The following LMLN variants were observed in gnomAD, a reference collection of about 807,000 sequenced individuals.
LMLN encodes the protein leishmanolysin-like peptidase.
In LMLN, 70 loss-of-function variants were observed where a neutral mutation model predicts 92.3. The observed-to-expected ratio is 0.76, with a 90% confidence interval of 0.63 to 0.92. LMLN has a LOEUF of 0.92. LMLN is among the 40% of genes least tolerant of loss of function. The probability of loss-of-function intolerance (pLI) is 0.00; values close to 1 mark genes in which losing one functional copy is unlikely to be tolerated. For synonymous variants in LMLN, 308 were observed against 296.2 expected, an observed-to-expected ratio of 1.04 and a Z score of -0.41; for missense variants, 691 against 814.6, an observed-to-expected ratio of 0.85 and a Z score of 1.85.
chr3:198,028,070 C>G (rs1394508901), intron 14 of LMLN, among the ~76,000 whole-genome samples: 1 of 152,042 alleles, frequency 6.6e-6, no homozygotes, highest in Non-Finnish European at 1.5e-5. Flanking sequence ...TCCCATATAC[C>G]CCTGCTCCAC....
At chr3:198,013,852 C>T (rs1310588039) in intron 11 of LMLN, among the ~76,000 whole-genome samples, 1 of 143,436 alleles carries the variant, frequency 7.0e-6, no homozygotes, top group Admixed American at 6.8e-5. Context: ...AGCCCCTTAA[C>T]TAGTCTGACT....
rs947988932 is a variant in LMLN, at chr3:198,031,782, G to A, written c.1657-4051G>A. Among the ~76,000 whole-genome samples, 7 of 151,948 alleles carry A rather than the reference G, an allele frequency of 4.6e-5. No homozygotes were observed. Among genetic ancestry groups the A allele is most frequent in the African/African-American group, 1.7e-4 (7 of 41,338 alleles). On this transcript the variant is annotated intron_variant, in intron 14 of 15. Coordinates refer to ENST00000330198, the Ensembl canonical transcript of LMLN. The surrounding 1 kb of genome is among the most constrained non-coding windows in gnomAD (Gnocchi z 4.8). ...TTAATGGGTTGATTCTATTTTTGGTGATCATTAACAGCCTGTTCATATTCA... is the reference window on the plus strand; with the variant it reads ...TTAATGGGTTGATTCTATTTTTGGTAATCATTAACAGCCTGTTCATATTCA...
At chr3:198,028,465 A>G (rs1436916549) in intron 14 of LMLN, among the ~76,000 whole-genome samples, 2 of 152,248 alleles carry the variant, frequency 1.3e-5, no homozygotes, top group Non-Finnish European at 2.9e-5. Context: ...AATGAAATAA[A>G]AAGTGGGATG....
intron 11 of LMLN, among the ~76,000 whole-genome samples, chr3:198,011,358 G>C (rs1457687474): frequency 6.6e-6 from 1 of 152,052 alleles, no homozygotes; most frequent in African/African-American, 2.4e-5. Context: ...CCACCTATGA[G>C]TGAGAACATG....
chr3:198,015,973 A>T (rs933925754), intron 11 of LMLN, among the ~76,000 whole-genome samples: 1 of 151,976 alleles, frequency 6.6e-6, no homozygotes, highest in Non-Finnish European at 1.5e-5. Flanking sequence ...GGGAAGAGGG[A>T]AGATGGCTTG....
intron 11 of LMLN, among the ~76,000 whole-genome samples, chr3:198,010,061 C>A (rs559921170): frequency 3.3e-5 from 5 of 151,990 alleles, no homozygotes; most frequent in Non-Finnish European, 5.9e-5. Context: ...TTGTTGATGT[C>A]TTCTATTGTT....
chr3:197,968,707 A>G (rs1721131879), intron 1 of LMLN, among the ~76,000 whole-genome samples: 1 of 152,198 alleles, frequency 6.6e-6, no homozygotes, highest in Non-Finnish European at 1.5e-5. Context: ...TATCAGGATA[A>G]TGCTGGTCTC....
chr3:198,038,429 G>A, intron 15 of LMLN, 138 bp from the exon 17 acceptor site: 1 of 636,390 alleles, frequency 1.6e-6, no homozygotes, highest in Non-Finnish European at 2.8e-6. Flanking sequence ...TTATACCTGG[G>A]TTTTGCTCTT....
At position 198,024,552 on chromosome 3, in the gene LMLN, T is replaced by G. The variant is rs528511658; in HGVS notation, c.1526-106T>G. 1.7e-4 allele frequency: 173 copies of G among 1,043,782 alleles called. No homozygotes were observed. In the East Asian group the frequency reaches 4.5e-3, roughly 27 times the overall value. 64.7% of individuals were successfully genotyped at this position (1,043,782 alleles called of 1,614,324 possible). A position where few individuals can be genotyped will look rare whatever the true frequency, so the allele number is the denominator to read the frequency against. ...TTAAATTTAAAATTTCCATGAAACA[T>G]GTCTGATTTTTAAAGCAACTTTTAA... On this transcript the variant is annotated intron_variant, in intron 13 of 15. Transcript: ENST00000330198.
intron 11 of LMLN, among the ~76,000 whole-genome samples, chr3:198,006,921 C>T (rs1722310741): frequency 6.6e-6 from 1 of 152,142 alleles, no homozygotes; most frequent in East Asian, 1.9e-4. Flanking sequence ...CCATGTTGGC[C>T]AGGCTGGTCT....
intron 11 of LMLN, among the ~76,000 whole-genome samples, chr3:198,013,992 C>T (rs1198869122): frequency 1.4e-5 from 2 of 138,604 alleles, no homozygotes; most frequent in East Asian, 2.1e-4. Flanking sequence ...CCCTTTAGAG[C>T]CCCCTAACTA....
rs140547074 is a variant in LMLN, at chr3:197,989,442, C to A, written c.930-1117C>A. Among the ~76,000 whole-genome samples, 136 of 152,044 alleles carry A rather than the reference C, an allele frequency of 8.9e-4. 1 individual carries two copies. The East Asian group carries it at 0.023, about 26-fold the overall frequency. ...GTATGTGGTGAAAAAGGGATTTAAC[C>A]TTTTTTTTCTAAATGGATAATCAGC... On this transcript the variant is annotated intron_variant, in intron 8 of 15. Coordinates refer to ENST00000330198, the Ensembl canonical transcript of LMLN.
intron 8 of LMLN, among the ~76,000 whole-genome samples, chr3:197,989,792 T>A (rs1474861189): frequency 6.6e-6 from 1 of 152,176 alleles, no homozygotes; most frequent in Non-Finnish European, 1.5e-5. Flanking sequence ...AAGGCTGAGG[T>A]GGAAAGATGG....
chr3:198,010,398 C>G (rs1722401161), intron 11 of LMLN, among the ~76,000 whole-genome samples: 1 of 152,110 alleles, frequency 6.6e-6, no homozygotes, highest in South Asian at 2.1e-4. Context: ...ATCTGCATGC[C>G]TTGGCCTCCC....
At chr3:197,991,049 A>G (rs1377565255) in intron 9 of LMLN, among the ~76,000 whole-genome samples, 2 of 152,180 alleles carry the variant, frequency 1.3e-5, no homozygotes, top group Admixed American at 1.3e-4. Context: ...GTATACACAA[A>G]GAAAGAATAC....
chr3:198,021,682 C>A, intron 13 of LMLN, 77 bp downstream of exon 14: 1 of 1,293,720 alleles, frequency 7.7e-7, no homozygotes, highest in Non-Finnish European at 1.1e-6. Flanking sequence ...TGGTTAAGGG[C>A]ACAGACCCTA....
chr3:198,030,741 A>AT (rs565465296), intron 14 of LMLN, among the ~76,000 whole-genome samples: 240 of 151,634 alleles, frequency 1.6e-3, no homozygotes, highest in African/African-American at 5.1e-3. Context: ...TCTTTTTTGG[A>AT]TTTTTTTTAT....
At chr3:197,991,115 T>C (rs1283162008) in intron 9 of LMLN, among the ~76,000 whole-genome samples, 1 of 150,426 alleles carries the variant, frequency 6.6e-6, no homozygotes, top group Non-Finnish European at 1.5e-5. Context: ...TTCTTTCTTT[T>C]TTTTTTTTTT....
intron 14 of LMLN, among the ~76,000 whole-genome samples, chr3:198,026,296 A>G (rs545520965): frequency 1.3e-5 from 2 of 150,394 alleles, no homozygotes; most frequent in African/African-American, 4.9e-5. Context: ...ATACCATACA[A>G]TTTATGTAAA....
Sources: allele counts gnomAD v4.1 joint callset (sites outside exome capture counted in the v4.1 genomes callset), GRCh38; gene constraint gnomAD v4.1.1; non-coding constraint Gnocchi (gnomAD v3.1); transcripts MANE v1.5; gene names NCBI Gene and HGNC (gene_info 2026-07-23, HGNC 2026-07-21).